CNKSR2: variants seen among roughly 807,000 people sequenced by gnomAD.
CNKSR2 encodes the protein CNK homolog protein 2.
Under a neutral mutation model 84.4 loss-of-function variants are expected in CNKSR2, and 14 were observed. The observed-to-expected ratio is 0.17, with a 90% confidence interval of 0.11 to 0.26. CNKSR2 has a LOEUF of 0.26. Ranked by LOEUF, CNKSR2 falls within the 10% of genes least tolerant of loss-of-function variation. The probability of loss-of-function intolerance (pLI) is 1.00; values close to 1 mark genes in which losing one functional copy is unlikely to be tolerated. For synonymous variants in CNKSR2, 275 were observed against 277.9 expected (o/e 0.99, Z 0.10); for missense variants, 485 against 771.2 (o/e 0.63, Z 4.40).
chrX:21,559,111 C>G (rs1036161850), intron 11 of CNKSR2, among the ~76,000 whole-genome samples: 8 of 111,061 alleles, frequency 7.2e-5, no homozygotes, highest in Non-Finnish European at 1.3e-4. Context: ...ACCCTACTTT[C>G]GATGGGCAGA....
At chrX:21,522,931 T>C (rs193004537) in intron 9 of CNKSR2, among the ~76,000 whole-genome samples, 172 of 111,113 alleles carry the variant, frequency 1.5e-3, no homozygotes, top group African/African-American at 5.2e-3. Context: ...ATACAAGTTT[T>C]ACCTAGAAGA....
chrX:21,623,100 T>G (rs2092608855), intron 20 of CNKSR2, among the ~76,000 whole-genome samples: 1 of 111,424 alleles, frequency 9.0e-6, no homozygotes, highest in Non-Finnish European at 1.9e-5. Flanking sequence ...AGATTTCTAA[T>G]AGTTTGTTTT....
intron 1 of CNKSR2, among the ~76,000 whole-genome samples, chrX:21,408,749 TATC>T (rs926209991): frequency 1.2e-4 from 13 of 110,846 alleles, no homozygotes; most frequent in Non-Finnish European, 2.3e-4. Flanking sequence ...TTCAATTACA[TATC>T]ATGTTAGTTT....
At position 21,526,792 on chromosome X, in the gene CNKSR2, G is replaced by C. The variant is rs2091839435; in HGVS notation, c.958-75G>C. 5.6e-6 allele frequency: 4 copies of C among 708,066 alleles called. No homozygotes were observed. The South Asian group carries it at 1.1e-4, about 20-fold the overall frequency. The allele number at this position is 708,066 out of a possible 1,213,427, so 58.4% of individuals were successfully genotyped here. A position where few individuals can be genotyped will look rare whatever the true frequency, so the allele number is the denominator to read the frequency against. On this transcript the variant is annotated intron_variant, in intron 9 of 21. Transcript: ENST00000379510. ...AAAATGATAACTATGTGTCATTGTT[G>C]TTGTTGTTGTTGTTGTTGTTGTTGT...
chrX:21,426,427 T>C (rs1364054068), intron 1 of CNKSR2, 70 bp from the exon 2 acceptor site: 3 of 1,023,712 alleles, frequency 2.9e-6, no homozygotes, highest in Non-Finnish European at 4.1e-6. Context: ...TGCTTGCTTC[T>C]AACCCACCCT....
chrX:21,642,260 C>T, intron 20 of CNKSR2: 1 of 752,647 alleles, frequency 1.3e-6, no homozygotes, highest in South Asian at 6.8e-5. Context: ...GAAAATTTCT[C>T]ATGCCAGGCT....
chrX:21,458,246 G>T (rs931276308), intron 4 of CNKSR2, among the ~76,000 whole-genome samples: 1 of 112,517 alleles, frequency 8.9e-6, no homozygotes, highest in African/African-American at 3.2e-5. Flanking sequence ...TTCCTCATTT[G>T]CATGAGCCAC....
intron 1 of CNKSR2, among the ~76,000 whole-genome samples, chrX:21,388,980 G>GTGATA (rs1195905298): frequency 9.2e-6 from 1 of 109,214 alleles, no homozygotes; most frequent in East Asian, 2.9e-4. Flanking sequence ...ATGATGTGAT[G>GTGATA]TGATATGATT....
chrX:21,606,515 C>A (rs1220705667), intron 18 of CNKSR2: 2 of 253,064 alleles, frequency 7.9e-6, no homozygotes, highest in African/African-American at 5.7e-5. Context: ...TCATGCAGTA[C>A]GTTCTTTTTA....
intron 11 of CNKSR2, among the ~76,000 whole-genome samples, chrX:21,542,925 C>G (rs2091988506): frequency 8.9e-6 from 1 of 112,286 alleles, no homozygotes; most frequent in Non-Finnish European, 1.9e-5. Context: ...GTTACTTGTA[C>G]ACATTGTGCA....
chrX:21,387,988 C>T (rs1018341837), intron 1 of CNKSR2, among the ~76,000 whole-genome samples: 8 of 108,941 alleles, frequency 7.3e-5, no homozygotes, highest in African/African-American at 2.4e-4. Context: ...CAAGCTCCGC[C>T]TCCCGGGTTC....
chrX:21,509,495 T>C lies in CNKSR2; in HGVS notation c.811-6990T>C, dbSNP rs531328449. On this transcript the variant is annotated intron_variant, in intron 8 of 21. Coordinates refer to ENST00000379510, the MANE Select transcript of CNKSR2 (RefSeq NM_014927.5). ...AGTTTTATTTAAAATAGGTAAACCTTGGGACATTTCTGAATACTCTGAATT... is the reference window on the plus strand; with the variant it reads ...AGTTTTATTTAAAATAGGTAAACCTCGGGACATTTCTGAATACTCTGAATT... 1.7e-3 allele frequency among the ~76,000 whole-genome samples: 192 copies of C among 112,105 alleles called. 1 individual carries two copies. The highest frequency in any genetic ancestry group is 5.3e-3 in the African/African-American group (163 of 31,017).
At chrX:21,501,682 A>T in intron 8 of CNKSR2, 94 bp downstream of exon 8, 2 of 408,231 alleles carry the variant, frequency 4.9e-6, no homozygotes, top group South Asian at 7.3e-5. Context: ...TCCTGTTTGT[A>T]TACAAAATAT....
rs367811957 is a variant in CNKSR2 at position 21,652,587 on chromosome X, T to TA, written c.*67dup. 1.8e-4 allele frequency: 153 copies of TA among 831,882 alleles called. 1 individual carries two copies. In the African/African-American group the frequency reaches 2.7e-3, roughly 15 times the overall value. The allele number at this position is 831,882 out of a possible 1,213,427, so 68.6% of individuals were successfully genotyped here. On this transcript the variant is annotated 3_prime_UTR_variant, in exon 22 of 22. Coordinates refer to ENST00000379510, the MANE Select transcript of CNKSR2 (RefSeq NM_014927.5). ...CTGAACAAGTATATAAGGTAGTTTT[T>TA]ATATCAATGTGTGGAACACTTGACA... is the stretch of plus-strand genomic sequence containing the variant.
intron 1 of CNKSR2, among the ~76,000 whole-genome samples, chrX:21,392,500 G>A (rs1236349890): frequency 9.0e-6 from 1 of 111,582 alleles, no homozygotes; most frequent in African/African-American, 3.3e-5. Context: ...GAGGAAGAGA[G>A]CAAAGGGGAA....
intron 1 of CNKSR2, among the ~76,000 whole-genome samples, chrX:21,411,099 G>A (rs977242501): frequency 3.6e-5 from 4 of 110,658 alleles, no homozygotes; most frequent in African/African-American, 1.3e-4. Flanking sequence ...TAATATGATC[G>A]GCTGTAACTT....
rs754268407 is a variant in CNKSR2, at chrX:21,609,519, G to C, written c.2594G>C (p.Cys865Ser). ...HCCLNAPVSA[C>S]DPQDDVQPPE... The stretch of plus-strand genomic sequence containing the variant: ...TGTCTGAATGCTCCAGTTAGTGCCT[G>C]TGACCCACAGGATGACGTGCAACCC... Residue 865 changes from cysteine (C) to serine (S), a missense_variant, in exon 20 of 22, where the codon TGT becomes TCT. Physicochemically the swap from Cys to Ser is moderately radical, Grantham distance 112. Around this residue, in one of 5 missense-constraint regions of CNKSR2, gnomAD observed 210 missense variants for 291.5 expected, o/e 0.72. Coordinates refer to ENST00000379510, the MANE Select transcript of CNKSR2 (RefSeq NM_014927.5). The C allele has an allele frequency of 8.3e-7, 1 of 1,208,850 alleles. No individual in the cohort carries two copies. The highest frequency in any genetic ancestry group is 1.8e-5 in the African/African-American group (1 of 56,775).
At chrX:21,438,586 GA>G (rs1279228171) in intron 3 of CNKSR2, among the ~76,000 whole-genome samples, 1 of 110,836 alleles carries the variant, frequency 9.0e-6, no homozygotes, top group Admixed American at 9.6e-5. Flanking sequence ...AAATTTACAA[GA>G]AAACTAGAAA....
intron 5 of CNKSR2, among the ~76,000 whole-genome samples, chrX:21,484,637 T>C: frequency 8.9e-6 from 1 of 111,772 alleles, no homozygotes; most frequent in East Asian, 2.8e-4. Context: ...TTTAACCTTA[T>C]CAGCCTTGAG....
Sources: gnomAD v4.1 joint callset for allele counts (sites outside exome capture counted in the v4.1 genomes callset) on GRCh38, gnomAD v4.1.1 for gene constraint, gnomAD v4.1.1 regional missense constraint, MANE v1.5 for transcripts, NCBI Gene and HGNC (gene_info 2026-07-23, HGNC 2026-07-21) for gene names.